NR6A1: variants seen among roughly 807,000 people sequenced by gnomAD.
The protein encoded by NR6A1 is nuclear receptor subfamily 6 group A member 1.
In NR6A1, 7 loss-of-function variants were observed where a neutral mutation model predicts 59.1. The observed-to-expected ratio is 0.12, with a 90% CI of 0.07 to 0.22. NR6A1 has a LOEUF of 0.22. NR6A1 is among the 10% of genes least tolerant of loss of function. The pLI is 1.00. For synonymous variants in NR6A1, 243 were observed against 236.1 expected (o/e 1.03, Z -0.27); for missense variants, 468 against 611.6 (o/e 0.77, Z 2.48).
intron 2 of NR6A1, among the ~76,000 whole-genome samples, chr9:124,713,290 A>G (rs990054715): frequency 6.6e-6 from 1 of 152,092 alleles, no homozygotes; most frequent in Non-Finnish European, 1.5e-5. Flanking sequence ...GCCCTAAACT[A>G]TAAAACTTTT....
At position 124,522,482 on chromosome 9, in the gene NR6A1, G is replaced by T; in HGVS notation, c.*223C>A. 2.6e-6 allele frequency: 1 copy of T among 377,504 alleles called. No homozygotes were observed. Among genetic ancestry groups the T allele is most frequent in the Non-Finnish European group, 5.0e-6 (1 of 200,546 alleles). 23.4% of individuals were successfully genotyped at this position (377,504 alleles called of 1,614,324 possible). On this transcript the variant is annotated 3_prime_UTR_variant, in exon 10 of 10. Coordinates refer to ENST00000487099, the MANE Select transcript of NR6A1 (RefSeq NM_033334.4). ...ATTGGCTGCATTCACACAAAAGCAT[G>T]TGCATCATGTTGAAGGCCATACATT...
chr9:124,729,810 A>AAGG (rs1839831013), intron 2 of NR6A1, among the ~76,000 whole-genome samples: 1 of 151,152 alleles, frequency 6.6e-6, no homozygotes, highest in Non-Finnish European at 1.5e-5. Context: ...TATTTTGTCT[A>AAGG]ATTTTTTTTT....
At chr9:124,601,611 G>A (rs1588701589) in intron 2 of NR6A1, among the ~76,000 whole-genome samples, 3 of 131,576 alleles carry the variant, frequency 2.3e-5, no homozygotes, top group African/African-American at 8.2e-5. Flanking sequence ...AAAGAAAAAA[G>A]AAAAGAAAAG....
intron 2 of NR6A1, among the ~76,000 whole-genome samples, chr9:124,681,586 C>T (rs1369518506): frequency 6.6e-6 from 1 of 151,986 alleles, no homozygotes; most frequent in Non-Finnish European, 1.5e-5. Context: ...GTGATCTGCC[C>T]ACCTCGGTCT....
chr9:124,522,581 C>T lies in NR6A1; in HGVS notation c.*124G>A, dbSNP rs1832824351. Reference sequence around the variant, plus strand: ...GACAAACAAACAAAAACTCTTCTTGCTATGGAGGCAACGGGAAATGCTGCT... The same window carrying T: ...GACAAACAAACAAAAACTCTTCTTGTTATGGAGGCAACGGGAAATGCTGCT... On this transcript the variant is annotated 3_prime_UTR_variant, in exon 10 of 10. Coordinates refer to ENST00000487099, the MANE Select transcript of NR6A1 (RefSeq NM_033334.4). 3.3e-6 allele frequency: 2 copies of T among 609,736 alleles called. No homozygotes were observed. The highest frequency in any genetic ancestry group is 2.9e-5 in the Admixed American group (1 of 34,088). 37.8% of individuals were successfully genotyped at this position (609,736 alleles called of 1,614,324 possible). A position where few individuals can be genotyped will look rare whatever the true frequency, so the allele number is the denominator to read the frequency against.
At chr9:124,610,242 G>A (rs575156046) in intron 2 of NR6A1, among the ~76,000 whole-genome samples, 4 of 152,120 alleles carry the variant, frequency 2.6e-5, no homozygotes, top group African/African-American at 7.2e-5. Context: ...TGGGTTTCTC[G>A]TATATGGCTC....
intron 2 of NR6A1, among the ~76,000 whole-genome samples, chr9:124,585,762 C>G (rs948152392): frequency 6.6e-6 from 1 of 152,126 alleles, no homozygotes; most frequent in African/African-American, 2.4e-5. Flanking sequence ...GGCTGACTCT[C>G]TTGCTAGAAG....
chr9:124,578,189 T>C (rs1834660632), intron 2 of NR6A1, among the ~76,000 whole-genome samples: 1 of 152,178 alleles, frequency 6.6e-6, no homozygotes, highest in African/African-American at 2.4e-5. Flanking sequence ...ATGGACCTCT[T>C]TTCTACCAAT....
intron 2 of NR6A1, among the ~76,000 whole-genome samples, chr9:124,586,411 A>G (rs1463533150): frequency 1.3e-5 from 2 of 152,092 alleles, no homozygotes; most frequent in African/African-American, 4.8e-5. Context: ...AGTGCATCCT[A>G]AAGATGTGGC....
intron 2 of NR6A1, among the ~76,000 whole-genome samples, chr9:124,704,291 TC>T (rs1451230169): frequency 6.6e-6 from 1 of 152,246 alleles, no homozygotes; most frequent in African/African-American, 2.4e-5. Flanking sequence ...AATTTGTCGA[TC>T]TTTTCAGAGG....
In NR6A1 at chr9:124,645,101, T is replaced by C. The variant is rs189828143; in HGVS notation, c.142+88207A>G. Among the ~76,000 whole-genome samples, 40 of 152,284 alleles carry C rather than the reference T, an allele frequency of 2.6e-4. No homozygotes were observed. The East Asian group carries it at 6.6e-3, about 25-fold the overall frequency. ...GGTTATAAATATATACTGCAATCTC[T>C]AGTGAAACAACTAAAAAACTTTTAA... is the stretch of plus-strand genomic sequence containing the variant. On this transcript the variant is annotated intron_variant, in intron 2 of 9. Transcript: ENST00000487099.
At chr9:124,600,562 GC>G (rs1485698919) in intron 2 of NR6A1, among the ~76,000 whole-genome samples, 1 of 152,172 alleles carries the variant, frequency 6.6e-6, no homozygotes, top group African/African-American at 2.4e-5. Context: ...CACTATGCTG[GC>G]TATGATGACA....
At chr9:124,669,706 T>C (rs116258753) in intron 2 of NR6A1, among the ~76,000 whole-genome samples, 164 of 152,302 alleles carry the variant, frequency 1.1e-3, no homozygotes, top group African/African-American at 3.8e-3. Flanking sequence ...CAAGTACCTA[T>C]AGTCAAGAGG....
chr9:124,605,900 C>T (rs1835564335), intron 2 of NR6A1, among the ~76,000 whole-genome samples: 1 of 152,178 alleles, frequency 6.6e-6, no homozygotes, highest in South Asian at 2.1e-4. Context: ...CCACTATCTC[C>T]CATCTGGCTT....
chr9:124,550,423 A>G (rs1318338166), intron 3 of NR6A1, among the ~76,000 whole-genome samples: 2 of 143,328 alleles, frequency 1.4e-5, no homozygotes, highest in African/African-American at 5.2e-5. Flanking sequence ...GGTGGAGTAC[A>G]ATGGCATGAT....
At chr9:124,678,269 C>T (rs1364188026) in intron 2 of NR6A1, among the ~76,000 whole-genome samples, 2 of 152,154 alleles carry the variant, frequency 1.3e-5, no homozygotes, top group East Asian at 1.9e-4. Context: ...CCAGTATATA[C>T]ATACAAATTA....
In NR6A1 at chr9:124,538,193, T is replaced by C. The variant is rs754358634; in HGVS notation, c.723A>G (p.Gln241=). Residue 241 remains glutamine, a synonymous_variant, in exon 6 of 10, where the codon CAA becomes CAG. Transcript: ENST00000487099. ...SYSGHSPLLP[Q]QARSLDPQSY... ...ACTGGGGATCCAGGCTGCGAGCTTG[T>C]TGGGGCAGAAGTGGTGAGTGGCCAG... 2 of 1,614,176 alleles carry C rather than the reference T, an allele frequency of 1.2e-6. No individual in the cohort carries two copies. Among genetic ancestry groups the C allele is most frequent in the South Asian group, 2.2e-5 (2 of 91,074 alleles).
chr9:124,557,809 C>T (rs1319380960), intron 2 of NR6A1, among the ~76,000 whole-genome samples: 3 of 152,148 alleles, frequency 2.0e-5, no homozygotes, highest in Admixed American at 2.0e-4. Flanking sequence ...AATTTTAAAA[C>T]CTTCAGTGTT....
intron 2 of NR6A1, among the ~76,000 whole-genome samples, chr9:124,666,275 CTTTTT>C (rs922378385): frequency 6.8e-5 from 7 of 103,070 alleles, no homozygotes; most frequent in Non-Finnish European, 1.3e-4. Context: ...CTATGTGGTT[CTTTTT>C]TTTTTTTTTT....
Sources: allele counts gnomAD v4.1 joint callset (sites outside exome capture counted in the v4.1 genomes callset), GRCh38; gene constraint gnomAD v4.1.1; transcripts MANE v1.5; gene names NCBI Gene and HGNC (gene_info 2026-07-23, HGNC 2026-07-21).